The following ZNF776 variants were observed in gnomAD, a reference collection of about 807,000 sequenced individuals.
ZNF776 encodes zinc finger protein 776.
In ZNF776, 4 loss-of-function variants were observed where a neutral mutation model predicts 7.0. The observed-to-expected ratio is 0.57, with a 90% confidence interval of 0.28 to 1.31. The LOEUF (loss-of-function observed/expected upper bound fraction) is 1.31, where lower values mean the gene tolerates loss of function less well. Ranked by LOEUF, ZNF776 falls within the 50% of genes most tolerant of loss-of-function variation. ZNF776 has a pLI of 0.10. For synonymous variants in ZNF776, 212 were observed against 213.7 expected, an observed-to-expected ratio of 0.99 and a Z score of 0.07; for missense variants, 555 against 625.9, an observed-to-expected ratio of 0.89 and a Z score of 1.21.
Position 57,758,121 on chromosome 19 carries a change from T to C in ZNF776, c.*3434T>C, listed in dbSNP as rs1027960230. ...TGTTATTGCTTCTTATTTTTGTCTG[T>C]TAGGAATAAAACTGCTTGTTAAGCA... On this transcript the variant is annotated 3_prime_UTR_variant, in exon 3 of 3. Coordinates refer to ENST00000317178, the MANE Select transcript of ZNF776 (RefSeq NM_173632.4). 1 of 152,212 alleles carries C rather than the reference T, an allele frequency of 6.6e-6. No individual in the cohort carries two copies. The highest frequency in any genetic ancestry group is 1.5e-5 in the Non-Finnish European group (1 of 68,034). The allele number at this position is 152,212 out of a possible 1,614,324, so 9.4% of individuals were successfully genotyped here. A position where few individuals can be genotyped will look rare whatever the true frequency, so the allele number is the denominator to read the frequency against.
Position 57,746,865 on chromosome 19 carries a change from A to G in ZNF776, c.-194A>G, listed in dbSNP as rs1986445433. On this transcript the variant is annotated 5_prime_UTR_variant, in exon 1 of 3. Transcript: ENST00000317178. ...TGTATTTTCCAGTGAGAGACCGCGGAGTGTTGGGTCGTGTAGAAGTGACTG... is the reference window on the plus strand; with the variant it reads ...TGTATTTTCCAGTGAGAGACCGCGGGGTGTTGGGTCGTGTAGAAGTGACTG... 1 of 468,306 alleles carries G rather than the reference A, an allele frequency of 2.1e-6. No homozygotes were observed. The highest frequency in any genetic ancestry group is 3.8e-6 in the Non-Finnish European group (1 of 261,786). The allele number at this position is 468,306 out of a possible 1,614,324, so 29.0% of individuals were successfully genotyped here.
chr19:57,747,526 C>A (rs1197792193), intron 1 of ZNF776, among the ~76,000 whole-genome samples: 2 of 152,088 alleles, frequency 1.3e-5, no homozygotes, highest in African/African-American at 4.8e-5. Context: ...ACTTTTGGGC[C>A]CTGGGAGGTT....
rs200360104 is a variant in ZNF776, at chr19:57,753,324, C to T, written c.194C>T (p.Ser65Phe). The stretch of plus-strand genomic sequence containing the variant: ...TATGGAGCAAAAGACGAGACACCTT[C>T]TAAGCAGACCCTTTCTATACAACAG... ...CWYGAKDETP[S>F]KQTLSIQQES... Residue 65 changes from serine (S) to phenylalanine (F), a missense_variant, in exon 3 of 3, where the codon TCT (serine) becomes TTT (phenylalanine). Ser to Phe is a radical substitution (Grantham distance 155). Coordinates refer to ENST00000317178, the MANE Select transcript of ZNF776 (RefSeq NM_173632.4). The T allele has an allele frequency of 2.8e-5, 45 of 1,613,232 alleles. No homozygotes were observed. The highest frequency in any genetic ancestry group is 3.8e-5 in the Non-Finnish European group (45 of 1,179,742).
intron 1 of ZNF776, among the ~76,000 whole-genome samples, chr19:57,748,905 G>C (rs1275646150): frequency 6.6e-6 from 1 of 152,052 alleles, no homozygotes; most frequent in East Asian, 1.9e-4. Flanking sequence ...AATATGCTCA[G>C]GGAGAAATAT....
Position 57,750,883 on chromosome 19 carries a change from G to A in ZNF776, c.132G>A (p.Leu44=), listed in dbSNP as rs770850761. ...AQRCLYHDVM[L]ENLTLISSLG... ...GATGCCTTTATCATGACGTGATGCTGGAGAACCTGACACTTATATCTTCTC... is the reference window on the plus strand; with the variant it reads ...GATGCCTTTATCATGACGTGATGCTAGAGAACCTGACACTTATATCTTCTC... Residue 44 remains leucine (L), a synonymous_variant, in exon 2 of 3, where the codon CTG becomes CTA. Coordinates refer to ENST00000317178, the MANE Select transcript of ZNF776 (RefSeq NM_173632.4). The A allele has an allele frequency of 8.7e-6, 14 of 1,612,078 alleles. No homozygotes were observed. The highest frequency in any genetic ancestry group is 1.2e-5 in the Non-Finnish European group (14 of 1,178,848).
In ZNF776 at chr19:57,747,047, C is replaced by T; in HGVS notation, c.-12C>T. 1 of 1,584,178 alleles carries T rather than the reference C, an allele frequency of 6.3e-7. No homozygotes were observed. The highest frequency in any genetic ancestry group is 1.3e-5 in the African/African-American group (1 of 74,114). ...CCCCCTCCTTTCGACCCCGCTTTCC[C>T]CACCCAGTCGGATGGCGGCGGCCGC... On this transcript the variant is annotated 5_prime_UTR_variant, in exon 1 of 3. Transcript: ENST00000317178.
rs1182665979 is a variant in ZNF776 at position 57,746,825 on chromosome 19, T to C, written c.-234T>C. ...CCGGCGTCCTCTACTAGTGGCCATT[T>C]TGATTGGTGTTGGGTGTATTTTCCA... is the stretch of plus-strand genomic sequence containing the variant. On this transcript the variant is annotated 5_prime_UTR_variant, in exon 1 of 3. Coordinates refer to ENST00000317178, the MANE Select transcript of ZNF776 (RefSeq NM_173632.4). The C allele has an allele frequency of 2.4e-6, 1 of 416,846 alleles. No homozygotes were observed. The allele number at this position is 416,846 out of a possible 1,614,324, so 25.8% of individuals were successfully genotyped here.
intron 1 of ZNF776, among the ~76,000 whole-genome samples, chr19:57,747,809 C>T (rs1485447433): frequency 2.0e-5 from 3 of 150,638 alleles, no homozygotes; most frequent in African/African-American, 7.3e-5. Flanking sequence ...TATCCACATG[C>T]TCTTTAGATT....
chr19:57,753,190 A>C, intron 2 of ZNF776, 101 bp from the exon 3 acceptor site: 2 of 1,141,896 alleles, frequency 1.8e-6, no homozygotes, highest in Non-Finnish European at 2.5e-6. Flanking sequence ...TCTAGGCCCA[A>C]GTAAATATAA....
chr19:57,751,868 G>GT (rs768825787), intron 2 of ZNF776, among the ~76,000 whole-genome samples: 7,150 of 67,024 alleles, frequency 0.11, 994 homozygotes, highest in South Asian at 0.16. Context: ...TTTTGGTTTT[G>GT]TTTTTTTTTT....
At position 57,754,009 on chromosome 19, in the gene ZNF776, G is replaced by A. The variant is rs1192645589; in HGVS notation, c.879G>A (p.Glu293=). The change falls in exon 3 of 3, where the codon GAG becomes GAA. Residue 293 remains glutamate (E), a synonymous_variant. Coordinates refer to ENST00000317178, the MANE Select transcript of ZNF776 (RefSeq NM_173632.4). ...TTCACACTGGAGAAAGACCTTATGA[G>A]TGTGGAGAATGTGATAAATCTTTTA... ...QRVHTGERPY[E]CGECDKSFSH... is the part of the protein sequence containing the mutation. The A allele has an allele frequency of 6.2e-7, 1 of 1,613,992 alleles. No individual in the cohort carries two copies. Among genetic ancestry groups the A allele is most frequent in the African/African-American group, 1.3e-5 (1 of 74,894 alleles).
rs952027073 is a variant in ZNF776, at chr19:57,754,405, T to G, written c.1275T>G (p.Val425=). The change falls in exon 3 of 3, where the codon GTT becomes GTG. Residue 425 remains valine, a synonymous_variant. Coordinates refer to ENST00000317178, the MANE Select transcript of ZNF776 (RefSeq NM_173632.4). ...YKSHLTEHQR[V]HTGERPYECR... is the part of the protein sequence containing the mutation. ...CACACCTCACTGAACACCAGAGAGT[T>G]CACACTGGAGAAAGGCCATATGAGT... 2.5e-6 allele frequency: 4 copies of G among 1,614,086 alleles called. No individual in the cohort carries two copies. The African/African-American group carries it at 4.0e-5, about 16-fold the overall frequency.
chr19:57,758,114 TTGTC>T lies in ZNF776; in HGVS notation c.*3431_*3434del, dbSNP rs1192186817. On this transcript the variant is annotated 3_prime_UTR_variant, in exon 3 of 3. Coordinates refer to ENST00000317178, the MANE Select transcript of ZNF776 (RefSeq NM_173632.4). Reference sequence around the variant, plus strand: ...ATGGATATGTTATTGCTTCTTATTTTTGTCTGTTAGGAATAAAACTGCTTGTTAA... The same window carrying T: ...ATGGATATGTTATTGCTTCTTATTTTTGTTAGGAATAAAACTGCTTGTTAA... The T allele has an allele frequency of 6.6e-6, 1 of 152,222 alleles. No individual in the cohort carries two copies. Among genetic ancestry groups the T allele is most frequent in the East Asian group, 1.9e-4 (1 of 5,200 alleles). The allele number at this position is 152,222 out of a possible 1,614,324, so 9.4% of individuals were successfully genotyped here.
rs1241503658 is a variant in ZNF776 at position 57,757,405 on chromosome 19, G to A, written c.*2718G>A. ...GCCATCCCTGAATTAGTAGGAGGAA[G>A]AGGATAGGGAGAAAGGAAATCTCTT... On this transcript the variant is annotated 3_prime_UTR_variant, in exon 3 of 3. Transcript: ENST00000317178. 2.0e-5 allele frequency: 3 copies of A among 152,300 alleles called. No individual in the cohort carries two copies. Among genetic ancestry groups the A allele is most frequent in the Non-Finnish European group, 4.4e-5 (3 of 68,128 alleles). The allele number at this position is 152,300 out of a possible 1,614,324, so 9.4% of individuals were successfully genotyped here.
chr19:57,747,052 C>A lies in ZNF776; in HGVS notation c.-7C>A. On this transcript the variant is annotated 5_prime_UTR_variant, in exon 1 of 3. Transcript: ENST00000317178. ...TCCTTTCGACCCCGCTTTCCCCACC[C>A]AGTCGGATGGCGGCGGCCGCGCTGA... is the stretch of plus-strand genomic sequence containing the variant. 6.3e-7 allele frequency: 1 copy of A among 1,586,350 alleles called. No homozygotes were observed. The highest frequency in any genetic ancestry group is 8.6e-7 in the Non-Finnish European group (1 of 1,166,380).
chr19:57,746,824 T>G lies in ZNF776; in HGVS notation c.-235T>G. The G allele has an allele frequency of 2.4e-6, 1 of 414,194 alleles. No individual in the cohort carries two copies. Among genetic ancestry groups the G allele is most frequent in the Non-Finnish European group, 4.3e-6 (1 of 231,948 alleles). The allele number at this position is 414,194 out of a possible 1,614,324, so 25.7% of individuals were successfully genotyped here. On this transcript the variant is annotated 5_prime_UTR_variant, in exon 1 of 3. It adds an upstream start codon to the 5' untranslated region. Transcript: ENST00000317178. ...TCCGGCGTCCTCTACTAGTGGCCATTTTGATTGGTGTTGGGTGTATTTTCC... is the reference window on the plus strand; with the variant it reads ...TCCGGCGTCCTCTACTAGTGGCCATGTTGATTGGTGTTGGGTGTATTTTCC...
In ZNF776 at chr19:57,753,789, A is replaced by G; in HGVS notation, c.659A>G (p.Lys220Arg). 5.0e-6 allele frequency: 8 copies of G among 1,614,230 alleles called. No individual in the cohort carries two copies. The highest frequency in any genetic ancestry group is 6.8e-6 in the Non-Finnish European group (8 of 1,180,038). The change falls in exon 3 of 3, where the codon AAA becomes AGA. Residue 220 changes from lysine (K) to arginine (R), a missense_variant. Lys to Arg is a conservative substitution (Grantham distance 26). Coordinates refer to ENST00000317178, the MANE Select transcript of ZNF776 (RefSeq NM_173632.4). ...CGESTIPFSNKHSLVLHQRLL... is the reference protein window; with the variant it reads ...CGESTIPFSNRHSLVLHQRLL... ...GAGTCCACAATACCGTTTAGCAACA[A>G]ACACTCACTTGTCCTTCACCAGAGA...
chr19:57,746,863 G>A lies in ZNF776; in HGVS notation c.-196G>A, dbSNP rs139282139. 522 of 467,400 alleles carry A rather than the reference G, an allele frequency of 1.1e-3. 2 individuals carry two copies. The highest frequency in any genetic ancestry group is 9.5e-3 in the African/African-American group (482 of 50,904). 29.0% of individuals were successfully genotyped at this position (467,400 alleles called of 1,614,324 possible). A position where few individuals can be genotyped will look rare whatever the true frequency, so the allele number is the denominator to read the frequency against. ...GGTGTATTTTCCAGTGAGAGACCGC[G>A]GAGTGTTGGGTCGTGTAGAAGTGAC... On this transcript the variant is annotated 5_prime_UTR_variant, in exon 1 of 3. Coordinates refer to ENST00000317178, the MANE Select transcript of ZNF776 (RefSeq NM_173632.4).
rs1568477352 is a variant in ZNF776 at position 57,754,553 on chromosome 19, C to T, written c.1423C>T (p.Leu475Phe). ...GAAATGTTTTCATCAAAAGGGCAGT[C>T]TCATTCGACATCAGCAGATTCACTC... The part of the protein sequence containing the change: ...CGKCFHQKGS[L>F]IRHQQIHSGE... Residue 475 changes from leucine (L) to phenylalanine (F), a missense_variant, in exon 3 of 3, where the codon CTC becomes TTC. Transcript: ENST00000317178. 1.2e-6 allele frequency: 2 copies of T among 1,614,184 alleles called. No homozygotes were observed. Among genetic ancestry groups the T allele is most frequent in the Non-Finnish European group, 8.5e-7 (1 of 1,180,034 alleles).
Sources: allele counts gnomAD v4.1 joint callset (sites outside exome capture counted in the v4.1 genomes callset), GRCh38; gene constraint gnomAD v4.1.1; transcripts MANE v1.5; gene names NCBI Gene and HGNC (gene_info 2026-07-23, HGNC 2026-07-21).